SHQ1: variants seen among roughly 807,000 people sequenced by gnomAD.
The protein encoded by SHQ1 is SHQ1, H/ACA ribonucleoprotein assembly factor, also known as protein SHQ1 homolog.
Under a neutral mutation model 53.8 loss-of-function variants are expected in SHQ1, and 49 were observed. The ratio of observed to expected loss-of-function variants is 0.91; its 90% CI spans 0.72 to 1.16. The LOEUF is 1.16. SHQ1 is among the 50% of genes most tolerant of loss of function. SHQ1 has a pLI of 0.00. For missense variants in SHQ1, 738 were observed against 683.1 expected, an observed-to-expected ratio of 1.08 and a Z score of -0.90; for synonymous variants, 243 against 251.0, an observed-to-expected ratio of 0.97 and a Z score of 0.30.
chr3:72,762,197 C>A (rs1705626008), intron 10 of SHQ1, among the ~76,000 whole-genome samples: 2 of 152,138 alleles, frequency 1.3e-5, no homozygotes, highest in South Asian at 4.1e-4. Flanking sequence ...GAAAAAAACA[C>A]TCGCTATGGC....
In SHQ1 at chr3:72,827,185, T is replaced by C. The variant is rs1022250899; in HGVS notation, c.600-2634A>G. On this transcript the variant is annotated intron_variant, in intron 5 of 10. Transcript: ENST00000325599. Reference sequence around the variant, plus strand: ...GTGTCCTTCGTTGAGACAGGGAAGCTAACAGACATGAGTGAGAAATAACGA... The same window carrying C: ...GTGTCCTTCGTTGAGACAGGGAAGCCAACAGACATGAGTGAGAAATAACGA... Among the ~76,000 whole-genome samples the C allele has an allele frequency of 3.3e-5, 5 of 152,006 alleles. No individual in the cohort carries two copies. In the East Asian group the frequency reaches 9.7e-4, roughly 29 times the overall value.
At chr3:72,769,196 C>T (rs772936941) in intron 10 of SHQ1, among the ~76,000 whole-genome samples, 31 of 152,290 alleles carry the variant, frequency 2.0e-4, no homozygotes, top group Admixed American at 5.9e-4. Context: ...AGACAGCTGG[C>T]CCCAGCTCTA....
intron 9 of SHQ1, among the ~76,000 whole-genome samples, chr3:72,798,083 G>A (rs935155381): frequency 6.6e-5 from 10 of 152,078 alleles, no homozygotes; most frequent in Admixed American, 2.6e-4. Flanking sequence ...CATCATACAC[G>A]ATATGGGCAT....
At chr3:72,799,307 G>C (rs936706299) in intron 9 of SHQ1, among the ~76,000 whole-genome samples, 2 of 152,108 alleles carry the variant, frequency 1.3e-5, no homozygotes, top group Admixed American at 6.6e-5. Context: ...ACAAAACTTA[G>C]TATAATAGAT....
At chr3:72,803,430 T>A in intron 9 of SHQ1, among the ~76,000 whole-genome samples, 1 of 152,180 alleles carries the variant, frequency 6.6e-6, no homozygotes, top group East Asian at 1.9e-4. Flanking sequence ...CTTCTCCTAA[T>A]GTACAGAAGC....
chr3:72,841,600 G>A lies in SHQ1; in HGVS notation c.332-401C>T, dbSNP rs540823432. ...GGAAGAATACAGGATGGTATTCTTC[G>A]GGTGTTGGAAATGCTCCATTTCTTG... On this transcript the variant is annotated intron_variant, in intron 3 of 10. Coordinates refer to ENST00000325599, the MANE Select transcript of SHQ1 (RefSeq NM_018130.3). 1.4e-3 allele frequency among the ~76,000 whole-genome samples: 212 copies of A among 152,268 alleles called. 2 individuals carry two copies. Among genetic ancestry groups the A allele is most frequent in the South Asian group, 8.7e-3 (42 of 4,824 alleles).
chr3:72,833,453 G>A (rs531074373), intron 4 of SHQ1, among the ~76,000 whole-genome samples: 1,652 of 19,954 alleles, frequency 0.083, 15 homozygotes, highest in Non-Finnish European at 0.11. Flanking sequence ...ATGATAGATA[G>A]ATAGATAGAT....
At chr3:72,798,368 T>C (rs188273863) in intron 9 of SHQ1, among the ~76,000 whole-genome samples, 1 of 152,296 alleles carries the variant, frequency 6.6e-6, no homozygotes, top group East Asian at 1.9e-4. Context: ...AGAACTCTTG[T>C]TCACTCATGA....
chr3:72,768,964 C>T (rs1045225160), intron 10 of SHQ1, among the ~76,000 whole-genome samples: 4 of 152,194 alleles, frequency 2.6e-5, no homozygotes, highest in African/African-American at 9.7e-5. Context: ...GGGCATTTTG[C>T]TAGGACCCAG....
intron 1 of SHQ1, chr3:72,846,073 G>C (rs1314383122): frequency 1.3e-6 from 1 of 757,112 alleles, no homozygotes; most frequent in East Asian, 2.7e-5. Context: ...CTATGAGCAT[G>C]AAATGATAAT....
intron 10 of SHQ1, among the ~76,000 whole-genome samples, chr3:72,765,464 G>A (rs536225539): frequency 7.2e-6 from 1 of 138,088 alleles, no homozygotes; most frequent in African/African-American, 2.8e-5. Flanking sequence ...TCCTTCTGTC[G>A]CCCAGGCTGG....
intron 10 of SHQ1, chr3:72,773,262 A>G: frequency 1.5e-6 from 1 of 673,294 alleles, no homozygotes; most frequent in South Asian, 1.4e-5. Flanking sequence ...TGAGAAAGAG[A>G]CAAGAAAGAG....
chr3:72,826,262 C>T (rs1707652749), intron 5 of SHQ1, among the ~76,000 whole-genome samples: 1 of 152,198 alleles, frequency 6.6e-6, no homozygotes, highest in African/African-American at 2.4e-5. Context: ...GACAAAATAG[C>T]TGCTTCATAA....
intron 10 of SHQ1, among the ~76,000 whole-genome samples, chr3:72,788,368 C>T (rs1048342877): frequency 3.3e-5 from 5 of 151,976 alleles, no homozygotes; most frequent in African/African-American, 9.7e-5. Flanking sequence ...CCGCCGCCAC[C>T]CCATCTGGGA....
At chr3:72,751,504 G>GTATATATATATATATA (rs1233066493) in intron 10 of SHQ1, among the ~76,000 whole-genome samples, 1 of 118,144 alleles carries the variant, frequency 8.5e-6, no homozygotes, top group Non-Finnish European at 1.7e-5. Flanking sequence ...GTGTGTGTGT[G>GTATATATATATATATA]TGTGTATATA....
intron 2 of SHQ1, 99 bp from the exon 3 acceptor site, chr3:72,842,501 G>A (rs1708205565): frequency 1.8e-6 from 2 of 1,131,324 alleles, no homozygotes; most frequent in Admixed American, 2.4e-5. Flanking sequence ...GTCTGAGGCA[G>A]GAGGATCATT....
chr3:72,828,263 T>A (rs1397356593), intron 5 of SHQ1, among the ~76,000 whole-genome samples: 1 of 152,232 alleles, frequency 6.6e-6, no homozygotes, highest in East Asian at 1.9e-4. Context: ...GAGGTGGGCT[T>A]CCTAAGCCAG....
chr3:72,839,472 C>T (rs1420092582), intron 4 of SHQ1, among the ~76,000 whole-genome samples: 1 of 152,168 alleles, frequency 6.6e-6, no homozygotes, highest in African/African-American at 2.4e-5. Context: ...AATTTTGAGA[C>T]CATTTTATAT....
intron 4 of SHQ1, among the ~76,000 whole-genome samples, chr3:72,836,983 T>G (rs943745240): frequency 2.6e-5 from 4 of 152,084 alleles, no homozygotes; most frequent in African/African-American, 9.7e-5. Context: ...CCGGAAACAA[T>G]GGCCTCAGGT....
Sources: gnomAD v4.1 joint callset for allele counts (sites outside exome capture counted in the v4.1 genomes callset) on GRCh38, gnomAD v4.1.1 for gene constraint, MANE v1.5 for transcripts, NCBI Gene and HGNC (gene_info 2026-07-23, HGNC 2026-07-21) for gene names.